ARHGEF10: variants seen among roughly 807,000 people sequenced by gnomAD.
The protein encoded by ARHGEF10 is Rho guanine nucleotide exchange factor 10.
ARHGEF10 carries 140 observed loss-of-function variants against 147.4 expected under a neutral mutation model. The ratio of observed to expected loss-of-function variants is 0.95; its 90% CI spans 0.83 to 1.09. The LOEUF (loss-of-function observed/expected upper bound fraction) is 1.09, where lower values mean the gene tolerates loss of function less well. ARHGEF10 is among the 50% of genes least tolerant of loss of function. ARHGEF10 has a pLI of 0.00. For missense variants in ARHGEF10, 2,222 were observed against 1,752.7 expected (o/e 1.27, Z -4.78); for synonymous variants, 902 against 695.8 (o/e 1.30, Z -4.67).
At position 1,874,581 on chromosome 8, in the gene ARHGEF10, G is replaced by T. The variant is rs906062521; in HGVS notation, c.680-1990G>T. On this transcript the variant is annotated intron_variant, in intron 7 of 28. Transcript: ENST00000349830. ...GGAGTTTCCTTATAACCTCTGGAGG[G>T]ACAGTCCAGATACATACCGGGGTGT... Among the ~76,000 whole-genome samples, 78 of 152,328 alleles carry T rather than the reference G, an allele frequency of 5.1e-4. 2 individuals carry two copies. Among genetic ancestry groups the T allele is most frequent in the Non-Finnish European group, 5.7e-4 (39 of 68,014 alleles).
At chr8:1,878,406 C>T (rs778997412) in intron 8 of ARHGEF10, among the ~76,000 whole-genome samples, 9 of 152,046 alleles carry the variant, frequency 5.9e-5, no homozygotes, top group Non-Finnish European at 1.3e-4. Context: ...AGGCTGGTCT[C>T]GAACTCCTGA....
intron 18 of ARHGEF10, among the ~76,000 whole-genome samples, chr8:1,916,862 T>G (rs1020172665): frequency 3.3e-5 from 5 of 152,246 alleles, no homozygotes; most frequent in African/African-American, 1.2e-4. Context: ...ATCTGGAGAC[T>G]GTATTAACAC....
rs184597668 is a variant in ARHGEF10 at position 1,955,236 on chromosome 8, C to G, written c.3521-1513C>G. On this transcript the variant is annotated intron_variant, in intron 28 of 28. Transcript: ENST00000349830. ...GGTGCTTCCTGAAAGGAGGTGCACT[C>G]TCACTGTTCCTCTGGAGGATAGCCA... 5.7e-4 allele frequency among the ~76,000 whole-genome samples: 86 copies of G among 150,042 alleles called. 2 individuals carry two copies. Among genetic ancestry groups the G allele is most frequent in the African/African-American group, 2.0e-3 (78 of 39,956 alleles).
chr8:1,888,030 G>A (rs1364446458), intron 11 of ARHGEF10, among the ~76,000 whole-genome samples: 6 of 147,942 alleles, frequency 4.1e-5, no homozygotes, highest in African/African-American at 1.2e-4. Flanking sequence ...GAGGCACTGA[G>A]TAGGGTGAGG....
intron 2 of ARHGEF10, among the ~76,000 whole-genome samples, chr8:1,847,050 A>C (rs1219144281): frequency 6.6e-6 from 1 of 152,130 alleles, no homozygotes; most frequent in African/African-American, 2.4e-5. Flanking sequence ...GTCCATGCCC[A>C]TTCCTCACCT....
chr8:1,852,701 T>C lies in ARHGEF10; in HGVS notation c.38-5259T>C, dbSNP rs184877686. Among the ~76,000 whole-genome samples, 241 of 152,368 alleles carry C rather than the reference T, an allele frequency of 1.6e-3. 1 individual carries two copies. Among genetic ancestry groups the C allele is most frequent in the African/African-American group, 5.7e-3 (236 of 41,580 alleles). On this transcript the variant is annotated intron_variant, in intron 2 of 28. Transcript: ENST00000349830. ...GGAAACGTAATGTTTCTTAAAGTTT[T>C]CTATTTCATAACTTGTTTTAGAAAT...
At chr8:1,898,326 G>C in intron 14 of ARHGEF10, 107 bp from the exon 15 acceptor site, 1 of 961,752 alleles carries the variant, frequency 1.0e-6, no homozygotes, top group Non-Finnish European at 1.6e-6. Context: ...CAAGGTGCAG[G>C]CTTTTGACTT....
At chr8:1,827,829 G>T (rs1486173039) in intron 1 of ARHGEF10, among the ~76,000 whole-genome samples, 1 of 152,174 alleles carries the variant, frequency 6.6e-6, no homozygotes, top group African/African-American at 2.4e-5. Flanking sequence ...TTCTGATAGG[G>T]GAAATAACTG....
In ARHGEF10 at chr8:1,909,331, G is replaced by C; in HGVS notation, c.2004G>C (p.Arg668Ser). Reference protein sequence around the residue: ...SHDSRVMSSQRYLLKWSVPLG... With the variant: ...SHDSRVMSSQSYLLKWSVPLG... ...ACAGCCGTGTGATGAGCAGCCAGAG[G>C]TACTTGCTGAAGTGGAGCGTTCCAC... is the stretch of plus-strand genomic sequence containing the variant. The change falls in exon 18 of 29, where the codon AGG becomes AGC. Residue 668 changes from arginine to serine, a missense_variant. Physicochemically the swap from Arg to Ser is moderately radical, Grantham distance 110 (BLOSUM62 -1). Transcript: ENST00000349830. 1 of 1,614,226 alleles carries C rather than the reference G, an allele frequency of 6.2e-7. No individual in the cohort carries two copies. The highest frequency in any genetic ancestry group is 8.5e-7 in the Non-Finnish European group (1 of 1,180,048).
intron 13 of ARHGEF10, among the ~76,000 whole-genome samples, 159 bp from the exon 14 acceptor site, chr8:1,896,174 A>G (rs1809955168): frequency 6.6e-6 from 1 of 152,246 alleles, no homozygotes. Flanking sequence ...CGCTTGCTTA[A>G]AGAAAAAAAA....
At chr8:1,862,377 A>T (rs1806203074) in intron 4 of ARHGEF10, among the ~76,000 whole-genome samples, 1 of 152,230 alleles carries the variant, frequency 6.6e-6, no homozygotes, top group African/African-American at 2.4e-5. Flanking sequence ...TTTCCTGCCT[A>T]CCGAAACCAG....
chr8:1,914,845 T>A (rs1292743916), intron 18 of ARHGEF10, among the ~76,000 whole-genome samples: 1 of 152,222 alleles, frequency 6.6e-6, no homozygotes, highest in African/African-American at 2.4e-5. Context: ...GAACGAGTAC[T>A]GAGAGCAAAC....
intron 10 of ARHGEF10, 52 bp downstream of exon 10, chr8:1,882,801 G>T: frequency 1.7e-6 from 1 of 600,926 alleles, no homozygotes; most frequent in Non-Finnish European, 2.7e-6. Flanking sequence ...GGGGGGGGCG[G>T]CCACATCTTG....
chr8:1,873,549 A>C (rs75848606), intron 7 of ARHGEF10, among the ~76,000 whole-genome samples: 447 of 42,748 alleles, frequency 0.01, 19 homozygotes, highest in African/African-American at 0.024. Flanking sequence ...CGCATTTCCT[A>C]GTTGCCTTGA....
chr8:1,857,944 T>G lies in ARHGEF10; in HGVS notation c.38-16T>G. 2 of 1,603,562 alleles carry G rather than the reference T, an allele frequency of 1.2e-6. No homozygotes were observed. The highest frequency in any genetic ancestry group is 1.7e-6 in the Non-Finnish European group (2 of 1,170,604). On this transcript the variant is annotated splice_polypyrimidine_tract_variant and intron_variant, in intron 2 of 28. Transcript: ENST00000349830. ...TATCTATCTCTCCTTGATGTGGTTT[T>G]GGTTTTTCTTTTTAGAAAATGAAAT...
chr8:1,957,194 C>T lies in ARHGEF10; in HGVS notation c.3966C>T (p.Ala1322=). ...GCCACCGCCGGGTGCACAGGAAGGC[C>T]CGGCAGCCCCACCAGGAAGAGCTGG... ...GQGHRRVHRK[A]RQPHQEELAP... Residue 1322 remains alanine, a synonymous_variant, in exon 29 of 29, where the codon GCC becomes GCT. Transcript: ENST00000349830. 1 of 1,612,384 alleles carries T rather than the reference C, an allele frequency of 6.2e-7. No homozygotes were observed. The highest frequency in any genetic ancestry group is 1.7e-4 in the Middle Eastern group (1 of 5,988).
At chr8:1,891,491 A>G (rs1418349239) in intron 11 of ARHGEF10, among the ~76,000 whole-genome samples, 2 of 152,202 alleles carry the variant, frequency 1.3e-5, no homozygotes, top group Admixed American at 6.5e-5. Context: ...TGGAGGACAG[A>G]GGATCCTGTC....
intron 27 of ARHGEF10, among the ~76,000 whole-genome samples, chr8:1,946,969 G>A (rs1814643360): frequency 1.3e-5 from 2 of 152,250 alleles, no homozygotes. Context: ...TTCTCTTAGT[G>A]AGAAAAGGAG....
intron 1 of ARHGEF10, among the ~76,000 whole-genome samples, chr8:1,832,927 GAGGCAGAGACAGAAGC>G (rs1803287312): frequency 8.8e-6 from 1 of 113,662 alleles, no homozygotes; most frequent in African/African-American, 3.5e-5. Context: ...GGCAGAGACA[GAGGCAGAGACAGAAGC>G]AGAGACAGAG....
Sources: allele counts gnomAD v4.1 joint callset (sites outside exome capture counted in the v4.1 genomes callset), GRCh38; gene constraint gnomAD v4.1.1; transcripts MANE v1.5; gene names NCBI Gene and HGNC (gene_info 2026-07-23, HGNC 2026-07-21).